BCKDHB: variants seen among roughly 807,000 people sequenced by gnomAD.
BCKDHB encodes branched chain keto acid dehydrogenase E1 subunit beta, also known as 2-oxoisovalerate dehydrogenase subunit beta, mitochondrial.
In BCKDHB, 41 loss-of-function variants were observed where a neutral mutation model predicts 48.5. The observed-to-expected ratio is 0.85, with a 90% CI of 0.66 to 1.10. The LOEUF is 1.10. Ranked by LOEUF, BCKDHB falls within the 50% of genes least tolerant of loss-of-function variation. The pLI is 0.00. For synonymous variants in BCKDHB, 201 were observed against 174.8 expected (o/e 1.15, Z -1.18); for missense variants, 496 against 494.2 (o/e 1.00, Z -0.03).
At chr6:80,444,266 G>A in the BCKDHB span, among the ~76,000 whole-genome samples, 1 of 151,980 alleles carries the variant, frequency 6.6e-6, no homozygotes, top group African/African-American at 2.4e-5. Context: ...TTTAAAATAG[G>A]AGATTAATAT....
intron 9 of BCKDHB, among the ~76,000 whole-genome samples, chr6:80,273,432 G>C (rs1267770092): frequency 6.6e-6 from 1 of 152,022 alleles, no homozygotes; most frequent in Non-Finnish European, 1.5e-5. Flanking sequence ...TAATTTTCTA[G>C]AACAGATATC....
chr6:80,114,387 A>T (rs1769575483), intron 1 of BCKDHB, among the ~76,000 whole-genome samples: 1 of 151,752 alleles, frequency 6.6e-6, no homozygotes, highest in South Asian at 2.1e-4. Flanking sequence ...AGCTGGGACT[A>T]CAGGCATGCA....
At chr6:80,364,423 G>A in the BCKDHB span, among the ~76,000 whole-genome samples, 1 of 152,146 alleles carries the variant, frequency 6.6e-6, no homozygotes, top group Non-Finnish European at 1.5e-5. Flanking sequence ...AGGAGATCCA[G>A]GTCTATTTGT....
At chr6:80,461,699 T>G in the BCKDHB span, among the ~76,000 whole-genome samples, 1 of 152,216 alleles carries the variant, frequency 6.6e-6, no homozygotes, top group Admixed American at 6.5e-5. Context: ...TTAAAATACT[T>G]GAAATTGTTC....
the BCKDHB span, among the ~76,000 whole-genome samples, chr6:80,379,098 C>T: frequency 8.6e-5 from 13 of 151,882 alleles, no homozygotes; most frequent in East Asian, 1.9e-4. Flanking sequence ...TCTATAAATC[C>T]GGTGTCAGCC....
chr6:80,299,967 G>A (rs1300986032), intron 9 of BCKDHB, among the ~76,000 whole-genome samples: 1 of 151,870 alleles, frequency 6.6e-6, no homozygotes, highest in Non-Finnish European at 1.5e-5. Flanking sequence ...CATATCACAT[G>A]TAATGACATA....
intron 9 of BCKDHB, among the ~76,000 whole-genome samples, chr6:80,278,802 C>T (rs529207290): frequency 4.7e-4 from 72 of 152,030 alleles, no homozygotes; most frequent in Admixed American, 3.5e-3. Context: ...TGTGATCCAC[C>T]GACCTCGGCC....
intron 9 of BCKDHB, among the ~76,000 whole-genome samples, chr6:80,302,236 T>C (rs1767623688): frequency 6.6e-6 from 1 of 152,268 alleles, no homozygotes; most frequent in East Asian, 1.9e-4. Context: ...AATATGATTT[T>C]ATACTTAGAA....
chr6:80,228,776 G>A (rs1775785176), intron 8 of BCKDHB, among the ~76,000 whole-genome samples: 1 of 152,120 alleles, frequency 6.6e-6, no homozygotes, highest in African/African-American at 2.4e-5. Context: ...AGAGACTTGA[G>A]GTGTACTGAC....
chr6:80,208,298 T>C (rs978963415), intron 8 of BCKDHB, among the ~76,000 whole-genome samples: 1 of 151,704 alleles, frequency 6.6e-6, no homozygotes, highest in Non-Finnish European at 1.5e-5. Flanking sequence ...GAAGATAGAA[T>C]ATATCAAAAG....
intron 3 of BCKDHB, among the ~76,000 whole-genome samples, chr6:80,156,675 A>G (rs888998797): frequency 3.3e-5 from 5 of 152,162 alleles, no homozygotes; most frequent in Non-Finnish European, 5.9e-5. Flanking sequence ...AGGTCTGATT[A>G]TCCTTAACTG....
chr6:80,343,678 G>T lies in BCKDHB; in HGVS notation c.1053G>T (p.Leu351Phe), dbSNP rs1432459903. Residue 351 changes from leucine to phenylalanine, a missense_variant, in exon 10 of 10, where the codon TTG becomes TTT. Leu to Phe is a conservative substitution (Grantham distance 22). Coordinates refer to ENST00000320393, the MANE Select transcript of BCKDHB (RefSeq NM_183050.4). ...ISSTVQEECFLNLEAPISRVC... is the reference protein window; with the variant it reads ...ISSTVQEECFFNLEAPISRVC... ...TCTGTCTGCAGGAGGAATGTTTCTT[G>T]AACCTAGAGGCTCCTATATCAAGAG... 6.2e-7 allele frequency: 1 copy of T among 1,613,870 alleles called. No homozygotes were observed. Among genetic ancestry groups the T allele is most frequent in the East Asian group, 2.2e-5 (1 of 44,846 alleles).
chr6:80,373,354 TTGCTAA>T, the BCKDHB span, among the ~76,000 whole-genome samples: 1 of 152,140 alleles, frequency 6.6e-6, no homozygotes, highest in African/African-American at 2.4e-5. Context: ...TTGGTTAATC[TTGCTAA>T]TGGTCTATCA....
chr6:80,192,966 G>A (rs147259376), intron 6 of BCKDHB, among the ~76,000 whole-genome samples: 1 of 151,738 alleles, frequency 6.6e-6, no homozygotes, highest in South Asian at 2.1e-4. Flanking sequence ...TTACAGGCAC[G>A]TGCCACCATG....
chr6:80,167,543 T>C (rs549085045), intron 3 of BCKDHB, 135 bp from the exon 4 acceptor site: 2 of 969,162 alleles, frequency 2.1e-6, no homozygotes, highest in Admixed American at 2.2e-5. Flanking sequence ...TGGCTAGCCA[T>C]ACTCTTTATT....
chr6:80,281,453 G>A (rs1778191081), intron 9 of BCKDHB, among the ~76,000 whole-genome samples: 1 of 152,062 alleles, frequency 6.6e-6, no homozygotes. Flanking sequence ...AAAGACTAAT[G>A]GTCCTACCTT....
intron 9 of BCKDHB, among the ~76,000 whole-genome samples, chr6:80,332,630 A>T (rs1029735814): frequency 1.3e-5 from 2 of 151,966 alleles, no homozygotes; most frequent in East Asian, 3.9e-4. Flanking sequence ...GTCTAGCCAT[A>T]AATAAGGAAA....
chr6:80,381,774 G>A, the BCKDHB span, among the ~76,000 whole-genome samples: 56 of 152,036 alleles, frequency 3.7e-4, no homozygotes, highest in African/African-American at 1.3e-3. Flanking sequence ...GCAAACTGGT[G>A]AGCTGTTAAT....
intron 6 of BCKDHB, among the ~76,000 whole-genome samples, chr6:80,183,917 T>G (rs1030380812): frequency 2.0e-5 from 3 of 152,212 alleles, no homozygotes; most frequent in African/African-American, 7.2e-5. Context: ...CATGGCTTGA[T>G]AACTCATTTC....
Sources: allele counts gnomAD v4.1 joint callset (sites outside exome capture counted in the v4.1 genomes callset), GRCh38; gene constraint gnomAD v4.1.1; transcripts MANE v1.5; gene names NCBI Gene and HGNC (gene_info 2026-07-23, HGNC 2026-07-21).